Variants in PLD5 observed in about 807,000 individuals in gnomAD.
The protein encoded by PLD5 is inactive phospholipase D5.
In PLD5, 36 loss-of-function variants were observed where a neutral mutation model predicts 61.1. The observed-to-expected ratio is 0.59, with a 90% CI of 0.45 to 0.78. PLD5 has a LOEUF of 0.78. PLD5 is among the 30% of genes least tolerant of loss of function. The pLI is 0.00. For missense variants in PLD5, 515 were observed against 644.4 expected, an observed-to-expected ratio of 0.80 and a Z score of 2.17; for synonymous variants, 243 against 242.8, an observed-to-expected ratio of 1.00 and a Z score of -0.01.
At chr1:242,253,156 A>G (rs1672808384) in intron 4 of PLD5, among the ~76,000 whole-genome samples, 1 of 110,916 alleles carries the variant, frequency 9.0e-6, no homozygotes, top group Admixed American at 1.3e-4. Context: ...GTCTCACTCT[A>G]TCGCCTGGCT....
upstream of PLD5, among the ~76,000 whole-genome samples, chr1:242,527,996 A>T (rs75429166): frequency 4.1e-3 from 622 of 152,290 alleles, 13 homozygotes; most frequent in East Asian, 0.061. Context: ...CTGATTCTTT[A>T]CCGTGCTGTT....
intron 1 of PLD5, among the ~76,000 whole-genome samples, chr1:242,465,226 A>T (rs1667238332): frequency 6.6e-6 from 1 of 152,152 alleles, no homozygotes; most frequent in South Asian, 2.1e-4. Context: ...TCTCTCAGGA[A>T]ATCACTCGGA....
At chr1:242,113,525 G>T (rs1353514123) in intron 7 of PLD5, among the ~76,000 whole-genome samples, 1 of 152,194 alleles carries the variant, frequency 6.6e-6, no homozygotes, top group East Asian at 1.9e-4. Context: ...CCCTTTTCAG[G>T]TATATACTTG....
At chr1:242,322,930 A>T (rs1658512462) in intron 2 of PLD5, among the ~76,000 whole-genome samples, 1 of 152,158 alleles carries the variant, frequency 6.6e-6, no homozygotes, top group African/African-American at 2.4e-5. Flanking sequence ...TTATCTACCT[A>T]TCTATATTAC....
At chr1:242,148,584 C>G (rs1664705620) in intron 5 of PLD5, among the ~76,000 whole-genome samples, 1 of 151,884 alleles carries the variant, frequency 6.6e-6, no homozygotes, top group South Asian at 2.1e-4. Flanking sequence ...GGGTAAGTAA[C>G]ATTATAACAA....
intron 4 of PLD5, among the ~76,000 whole-genome samples, chr1:242,226,282 G>T (rs1184605495): frequency 6.6e-6 from 1 of 152,158 alleles, no homozygotes; most frequent in Admixed American, 6.5e-5. Context: ...TGTCAACCGA[G>T]AGATGCATAC....
rs1281280108 is a variant in PLD5, at chr1:242,407,785, G to A, written c.190-59543C>T. On this transcript the variant is annotated intron_variant, in intron 1 of 9. Coordinates refer to ENST00000536534, the MANE Select transcript of PLD5 (RefSeq NM_001372062.1). ...GTAGAGATGGAGTTTCACCATGGTG[G>A]TCAGGATGGTCTCAAACTCCTGACC... 2.0e-5 allele frequency among the ~76,000 whole-genome samples: 3 copies of A among 151,956 alleles called. No individual in the cohort carries two copies. In the South Asian group the frequency reaches 6.2e-4, roughly 31 times the overall value.
intron 1 of PLD5, among the ~76,000 whole-genome samples, chr1:242,446,612 G>A (rs1243585404): frequency 6.6e-6 from 1 of 152,128 alleles, no homozygotes; most frequent in Non-Finnish European, 1.5e-5. Context: ...CCCTGTCTGA[G>A]CAACTTTATA....
At chr1:242,403,639 T>G (rs1053206172) in intron 1 of PLD5, among the ~76,000 whole-genome samples, 2 of 151,298 alleles carry the variant, frequency 1.3e-5, no homozygotes, top group African/African-American at 4.9e-5. Context: ...TAATTTTTTG[T>G]ATTTTTTTTT....
intron 8 of PLD5, among the ~76,000 whole-genome samples, chr1:242,106,114 C>T (rs907752805): frequency 6.6e-6 from 1 of 152,142 alleles, no homozygotes; most frequent in Non-Finnish European, 1.5e-5. Flanking sequence ...TGCTGTGGAC[C>T]AGGAACTGCC....
intron 5 of PLD5, among the ~76,000 whole-genome samples, chr1:242,194,622 C>G (rs923220061): frequency 0.041 from 3,564 of 86,518 alleles, 75 homozygotes; most frequent in African/African-American, 0.06. Context: ...ATCTATGTAT[C>G]TATCTATCTA....
At chr1:242,504,044 T>C (rs1393799476) in intron 1 of PLD5, among the ~76,000 whole-genome samples, 1 of 152,230 alleles carries the variant, frequency 6.6e-6, no homozygotes, top group African/African-American at 2.4e-5. Context: ...GGGTGTCTTC[T>C]AGTTTGTATT....
chr1:242,185,206 C>A (rs1162052860), intron 5 of PLD5, among the ~76,000 whole-genome samples: 1 of 152,096 alleles, frequency 6.6e-6, no homozygotes, highest in Admixed American at 6.6e-5. Flanking sequence ...CAACGCAGCC[C>A]AGCCCCACAT....
chr1:242,203,970 C>T (rs1211135801), intron 5 of PLD5, among the ~76,000 whole-genome samples: 1 of 152,102 alleles, frequency 6.6e-6, no homozygotes, highest in Non-Finnish European at 1.5e-5. Context: ...GTTGCGGTGG[C>T]TCACGCCTGT....
intron 1 of PLD5, among the ~76,000 whole-genome samples, chr1:242,353,397 A>G (rs1413228768): frequency 6.6e-6 from 1 of 152,136 alleles, no homozygotes; most frequent in African/African-American, 2.4e-5. Context: ...TTTTGCCAGT[A>G]CTATGTTGCT....
intron 1 of PLD5, among the ~76,000 whole-genome samples, chr1:242,465,542 T>G (rs2102942514): frequency 6.6e-6 from 1 of 152,336 alleles, no homozygotes; most frequent in East Asian, 1.9e-4. Flanking sequence ...TGGGCTCTGC[T>G]GCTAATCTCT....
At chr1:242,265,501 A>G (rs1673619185) in intron 3 of PLD5, 53 bp from the exon 4 acceptor site, 2 of 1,434,350 alleles carry the variant, frequency 1.4e-6, no homozygotes, top group African/African-American at 1.4e-5. Context: ...ATGTTTACCA[A>G]TTTAGACAGG....
At chr1:242,433,177 T>G (rs2102892279) in intron 1 of PLD5, among the ~76,000 whole-genome samples, 1 of 152,344 alleles carries the variant, frequency 6.6e-6, no homozygotes, top group Non-Finnish European at 1.5e-5. Flanking sequence ...TAAACATAGC[T>G]TATGTTCAAC....
chr1:242,196,629 A>C (rs1192781512), intron 5 of PLD5, among the ~76,000 whole-genome samples: 1 of 152,190 alleles, frequency 6.6e-6, no homozygotes, highest in Admixed American at 6.5e-5. Context: ...GCTATTCACA[A>C]TATATTGATT....
Sources: gnomAD v4.1 joint callset for allele counts (sites outside exome capture counted in the v4.1 genomes callset) on GRCh38, gnomAD v4.1.1 for gene constraint, MANE v1.5 for transcripts, NCBI Gene and HGNC (gene_info 2026-07-23, HGNC 2026-07-21) for gene names.